CRISPLD2: variants seen among roughly 807,000 people sequenced by gnomAD.
The protein encoded by CRISPLD2 is cysteine rich secretory protein LCCL domain containing 2, also known as cysteine-rich secretory protein LCCL domain-containing 2.
A neutral mutation model predicts 71.1 loss-of-function variants in CRISPLD2; 47 were observed. That is an observed-to-expected ratio of 0.66 (90% CI 0.52 to 0.84). CRISPLD2 has a LOEUF of 0.84. Among genes scored for constraint, CRISPLD2 ranks in the 40% least tolerant of loss-of-function variants. The pLI is 0.00. For missense variants in CRISPLD2, 830 were observed against 651.1 expected (o/e 1.27, Z -2.99); for synonymous variants, 317 against 250.1 (o/e 1.27, Z -2.52).
intron 13 of CRISPLD2, among the ~76,000 whole-genome samples, chr16:84,882,371 A>AAAAGAAAT (rs368239840): frequency 7.6e-4 from 87 of 113,908 alleles, no homozygotes; most frequent in African/African-American, 1.1e-3. Flanking sequence ...AAAAAAAAAA[A>AAAAGAAAT]GCAAGAACTT....
chr16:84,825,485 G>A (rs1199893465), intron 1 of CRISPLD2, among the ~76,000 whole-genome samples: 3 of 152,212 alleles, frequency 2.0e-5, no homozygotes, highest in African/African-American at 7.2e-5. Context: ...GCCCAGCGCA[G>A]TGGCGTACAC....
At chr16:84,886,182 G>C (rs944635628) in intron 13 of CRISPLD2, among the ~76,000 whole-genome samples, 1 of 151,994 alleles carries the variant, frequency 6.6e-6, no homozygotes, top group Non-Finnish European at 1.5e-5. Context: ...AAGCCACCGC[G>C]CCGGCCAAAT....
intron 3 of CRISPLD2, 105 bp from the exon 4 acceptor site, chr16:84,849,280 C>T (rs1917008140): frequency 1.7e-6 from 2 of 1,165,584 alleles, no homozygotes; most frequent in South Asian, 1.7e-5. Flanking sequence ...GGCCGCTATT[C>T]ACCCTCCTCG....
At chr16:84,904,284 G>A (rs563635075) in intron 14 of CRISPLD2, among the ~76,000 whole-genome samples, 1 of 152,112 alleles carries the variant, frequency 6.6e-6, no homozygotes, top group Admixed American at 6.6e-5. Flanking sequence ...CAGACACAGA[G>A]ATTAAGAGAA....
intron 1 of CRISPLD2, among the ~76,000 whole-genome samples, chr16:84,821,093 C>G (rs1402438319): frequency 2.0e-5 from 3 of 152,268 alleles, no homozygotes; most frequent in Non-Finnish European, 4.4e-5. Flanking sequence ...AAATGCCTAG[C>G]TTGCCTTGCA....
rs182502325 is a variant in CRISPLD2, at chr16:84,868,768, C to G, written c.854-83C>G. ...GCACGGATTGGATTGCAGAATGTTC[C>G]AGAATGTCCCTCAGCATGGGGAAGG... On this transcript the variant is annotated intron_variant, in intron 7 of 14. Transcript: ENST00000262424. 2.0e-5 allele frequency: 22 copies of G among 1,113,768 alleles called. No individual in the cohort carries two copies. In the East Asian group the frequency reaches 5.2e-4, roughly 26 times the overall value. 69.0% of individuals were successfully genotyped at this position (1,113,768 alleles called of 1,614,324 possible).
At chr16:84,844,750 G>C (rs895534226) in intron 2 of CRISPLD2, among the ~76,000 whole-genome samples, 2 of 152,168 alleles carry the variant, frequency 1.3e-5, no homozygotes, top group African/African-American at 4.8e-5. Flanking sequence ...CGGGTGGCCA[G>C]TGAGAGTCTA....
rs1370286919 is a variant in CRISPLD2 at position 84,867,011 on chromosome 16, C to G, written c.824C>G (p.Pro275Arg). ...CCGAGGGTGATGAGACCCACCAAGC[C>G]CAAGAAAACCTCTGCGGTCAACTAC... ...LQPRVMRPTK[P>R]KKTSAVNYMT... The change falls in exon 7 of 15, where the codon CCC (proline) becomes CGC (arginine). Residue 275 changes from proline (P) to arginine (R), a missense_variant. By Grantham distance (103) the Pro-to-Arg change is moderately radical. Transcript: ENST00000262424. 1 of 1,614,064 alleles carries G rather than the reference C, an allele frequency of 6.2e-7. No individual in the cohort carries two copies. The highest frequency in any genetic ancestry group is 8.5e-7 in the Non-Finnish European group (1 of 1,180,014).
intron 14 of CRISPLD2, among the ~76,000 whole-genome samples, chr16:84,894,796 C>T (rs937346251): frequency 5.9e-5 from 9 of 152,080 alleles, no homozygotes; most frequent in Non-Finnish European, 1.3e-4. Context: ...CCCTTAGGCA[C>T]ATCTCCATTT....
At chr16:84,868,613 C>A (rs551016167) in intron 7 of CRISPLD2, among the ~76,000 whole-genome samples, 3 of 152,220 alleles carry the variant, frequency 2.0e-5, no homozygotes, top group Admixed American at 6.5e-5. Context: ...TGTCCATATG[C>A]GGAAATTGAA....
chr16:84,895,260 C>T (rs1317127951), intron 14 of CRISPLD2, among the ~76,000 whole-genome samples: 1 of 152,160 alleles, frequency 6.6e-6, no homozygotes, highest in Admixed American at 6.5e-5. Context: ...CAAACCTAGG[C>T]CGCCTGTACC....
chr16:84,903,978 A>G (rs571742097), intron 14 of CRISPLD2, among the ~76,000 whole-genome samples: 8 of 152,314 alleles, frequency 5.3e-5, no homozygotes, highest in Admixed American at 2.0e-4. Context: ...TTTGAAGCAG[A>G]GCGAGGAAAA....
intron 14 of CRISPLD2, among the ~76,000 whole-genome samples, chr16:84,890,426 C>T (rs2071651455): frequency 6.6e-6 from 1 of 151,922 alleles, no homozygotes; most frequent in Admixed American, 6.6e-5. Flanking sequence ...CTCCGTATTT[C>T]CACTCGAGAC....
At chr16:84,881,276 A>T (rs530257485) in intron 13 of CRISPLD2, among the ~76,000 whole-genome samples, 7 of 152,342 alleles carry the variant, frequency 4.6e-5, no homozygotes, top group African/African-American at 1.4e-4. Flanking sequence ...CACTTAGCTA[A>T]AAGCACAAAG....
intron 14 of CRISPLD2, among the ~76,000 whole-genome samples, chr16:84,903,351 C>T (rs867640221): frequency 8.6e-5 from 13 of 152,004 alleles, no homozygotes; most frequent in Non-Finnish European, 1.8e-4. Context: ...CCGAGGCAGG[C>T]GGATCATGAG....
At chr16:84,897,440 G>C (rs2071716155) in intron 14 of CRISPLD2, among the ~76,000 whole-genome samples, 2 of 152,140 alleles carry the variant, frequency 1.3e-5, no homozygotes, top group Admixed American at 1.3e-4. Context: ...CGGTGACAGA[G>C]CAAGACCGTG....
At chr16:84,876,069 T>G (rs1225911645) in intron 11 of CRISPLD2, among the ~76,000 whole-genome samples, 2 of 152,208 alleles carry the variant, frequency 1.3e-5, no homozygotes, top group Non-Finnish European at 2.9e-5. Flanking sequence ...CTTTTGTAAA[T>G]AAAGTTTTAT....
chr16:84,870,511 G>T (rs925307372), intron 8 of CRISPLD2, among the ~76,000 whole-genome samples: 1 of 152,034 alleles, frequency 6.6e-6, no homozygotes, highest in South Asian at 2.1e-4. Context: ...GGTAGAGATG[G>T]GGTTTCACCA....
chr16:84,862,879 AGCTGT>A (rs1917425203), intron 6 of CRISPLD2: 1 of 152,252 alleles, frequency 6.6e-6, no homozygotes, highest in Non-Finnish European at 1.5e-5. Context: ...TGTCCCAGCC[AGCTGT>A]TCATGGCTGA....
Sources: allele counts gnomAD v4.1 joint callset (sites outside exome capture counted in the v4.1 genomes callset), GRCh38; gene constraint gnomAD v4.1.1; transcripts MANE v1.5; gene names NCBI Gene and HGNC (gene_info 2026-07-23, HGNC 2026-07-21).